The following CHIA variants were observed in gnomAD, a reference collection of about 807,000 sequenced individuals.
The protein encoded by CHIA is chitinase acidic, also known as acidic mammalian chitinase.
Under a neutral mutation model 53.5 loss-of-function variants are expected in CHIA, and 47 were observed. That is an observed-to-expected ratio of 0.88 (90% CI 0.70 to 1.12). The LOEUF (loss-of-function observed/expected upper bound fraction) is 1.12, where lower values mean the gene tolerates loss of function less well. Ranked by LOEUF, CHIA falls within the 50% of genes most tolerant of loss-of-function variation. The pLI is 0.00. For synonymous variants in CHIA, 268 were observed against 222.2 expected (o/e 1.21, Z -1.83); for missense variants, 652 against 592.2 (o/e 1.10, Z -1.05).
intron 1 of CHIA, among the ~76,000 whole-genome samples, chr1:111,308,190 G>A (rs1361108218): frequency 3.9e-5 from 6 of 152,174 alleles, no homozygotes; most frequent in Non-Finnish European, 5.9e-5. Flanking sequence ...TGTAGGTCAT[G>A]TCATTTATTT....
In CHIA at chr1:111,312,259, T is replaced by G. The variant is rs1648743187; in HGVS notation, c.125T>G (p.Met42Arg). The G allele has an allele frequency of 3.7e-6, 6 of 1,614,148 alleles. No homozygotes were observed. The highest frequency in any genetic ancestry group is 5.1e-6 in the Non-Finnish European group (6 of 1,179,992). Residue 42 changes from methionine to arginine, a missense_variant, in exon 4 of 12, where the codon ATG (methionine) becomes AGG (arginine). Physicochemically the swap from Met to Arg is moderately conservative, Grantham distance 91 (BLOSUM62 -1). Transcript: ENST00000369740. Reference sequence around the variant, plus strand: ...TACCGGCCAGGCCTGGGGCGCTTCATGCCTGACAACATCGACCCCTGCCTC... The same window carrying G: ...TACCGGCCAGGCCTGGGGCGCTTCAGGCCTGACAACATCGACCCCTGCCTC... ...AQYRPGLGRF[M>R]PDNIDPCLCT...
intron 1 of CHIA, among the ~76,000 whole-genome samples, chr1:111,307,246 A>G (rs949103703): frequency 1.3e-5 from 2 of 152,224 alleles, no homozygotes; most frequent in African/African-American, 2.4e-5. Flanking sequence ...GCATATTTGT[A>G]TAATGGAATA....
intron 1 of CHIA, among the ~76,000 whole-genome samples, chr1:111,296,271 G>C (rs1024934876): frequency 6.6e-6 from 1 of 152,206 alleles, no homozygotes; most frequent in African/African-American, 2.4e-5. Flanking sequence ...GTGGGTCCCT[G>C]ACCCCTGTGT....
intron 1 of CHIA, among the ~76,000 whole-genome samples, chr1:111,308,941 C>T (rs181572002): frequency 2.6e-4 from 40 of 152,272 alleles, no homozygotes; most frequent in Middle Eastern, 6.8e-3. Context: ...GTCTCTGGCA[C>T]ATAGTAGGCA....
At chr1:111,293,234 T>G (rs528827543) in intron 1 of CHIA, among the ~76,000 whole-genome samples, 2 of 152,230 alleles carry the variant, frequency 1.3e-5, no homozygotes, top group Admixed American at 6.5e-5. Flanking sequence ...TCCACATCCT[T>G]GTTAACACTT....
At chr1:111,308,565 T>C (rs1648410329) in intron 1 of CHIA, among the ~76,000 whole-genome samples, 2 of 152,220 alleles carry the variant, frequency 1.3e-5, no homozygotes, top group South Asian at 4.1e-4. Flanking sequence ...TTTTAGTCAC[T>C]CAGCTTTACT....
chr1:111,316,851 C>T (rs1649201699), intron 6 of CHIA: 1 of 152,180 alleles, frequency 6.6e-6, no homozygotes, highest in African/African-American at 2.4e-5. Context: ...AATTTACTTA[C>T]TTGTTGAATT....
intron 1 of CHIA, among the ~76,000 whole-genome samples, chr1:111,310,118 A>C (rs1648542807): frequency 2.0e-5 from 3 of 152,212 alleles, no homozygotes; most frequent in South Asian, 4.1e-4. Flanking sequence ...GCCAGACACA[A>C]AATGTCCACA....
intron 2 of CHIA, among the ~76,000 whole-genome samples, chr1:111,311,435 C>T (rs1172875984): frequency 1.3e-5 from 2 of 152,144 alleles, no homozygotes; most frequent in Non-Finnish European, 2.9e-5. Flanking sequence ...AGATAGTAAA[C>T]TTCGGACTCA....
intron 11 of CHIA, among the ~76,000 whole-genome samples, chr1:111,319,835 C>T (rs1485390514): frequency 2.6e-5 from 4 of 152,244 alleles, no homozygotes; most frequent in African/African-American, 7.2e-5. Context: ...TCACATATCT[C>T]TAATCAGTGA....
At chr1:111,298,528 G>C (rs901283056) in intron 1 of CHIA, among the ~76,000 whole-genome samples, 4 of 152,172 alleles carry the variant, frequency 2.6e-5, no homozygotes, top group Non-Finnish European at 5.9e-5. Context: ...CAGATATAAA[G>C]ATGTTCTTTG....
Position 111,292,059 on chromosome 1 carries a change from T to C in CHIA, c.-69+1109T>C, listed in dbSNP as rs191281334. ...ATTTATATTTGAAACATGTAAGGTA[T>C]TTAATTCACACACAATGTTTTGTGT... is the stretch of plus-strand genomic sequence containing the variant. On this transcript the variant is annotated intron_variant, in intron 1 of 11. Coordinates refer to ENST00000369740, the MANE Select transcript of CHIA (RefSeq NM_201653.4). Among the ~76,000 whole-genome samples, 3 of 152,342 alleles carry C rather than the reference T, an allele frequency of 2.0e-5. No homozygotes were observed. In the East Asian group the frequency reaches 5.8e-4, roughly 29 times the overall value.
At position 111,319,478 on chromosome 1, in the gene CHIA, T is replaced by C. The variant is rs1412942808; in HGVS notation, c.1177+10T>C. On this transcript the variant is annotated intron_variant, in intron 11 of 11. Coordinates refer to ENST00000369740, the MANE Select transcript of CHIA (RefSeq NM_201653.4). Reference sequence around the variant, plus strand: ...GGCCTGCAGAGTGCAAGTAAGTGACTGAGGGGGAATGCCCAGGTGTATAAA... The same window carrying C: ...GGCCTGCAGAGTGCAAGTAAGTGACCGAGGGGGAATGCCCAGGTGTATAAA... 2 of 1,612,920 alleles carry C rather than the reference T, an allele frequency of 1.2e-6. No homozygotes were observed. Among genetic ancestry groups the C allele is most frequent in the Non-Finnish European group, 8.5e-7 (1 of 1,179,642 alleles).
intron 1 of CHIA, among the ~76,000 whole-genome samples, chr1:111,306,892 C>T (rs1001132125): frequency 4.6e-5 from 7 of 152,160 alleles, no homozygotes; most frequent in Non-Finnish European, 7.4e-5. Context: ...AAACTACTCA[C>T]CTTAATGACA....
chr1:111,318,954 CA>C (rs958144876), intron 9 of CHIA, among the ~76,000 whole-genome samples, 165 bp from the exon 10 acceptor site: 4 of 152,152 alleles, frequency 2.6e-5, no homozygotes, highest in African/African-American at 4.8e-5. Flanking sequence ...TGTGGGTTCC[CA>C]AAATCATTTG....
intron 1 of CHIA, among the ~76,000 whole-genome samples, chr1:111,302,262 C>A (rs1048517111): frequency 2.0e-5 from 3 of 151,894 alleles, no homozygotes; most frequent in African/African-American, 7.3e-5. Context: ...TTTATCTGAG[C>A]GCCAGTCTTT....
intron 8 of CHIA, 64 bp downstream of exon 8, chr1:111,318,173 G>C: frequency 7.3e-7 from 1 of 1,371,024 alleles, no homozygotes. Context: ...TAGAGATTCA[G>C]GCACAAAAGG....
chr1:111,317,302 A>C (rs1286002631), intron 6 of CHIA: 3 of 197,248 alleles, frequency 1.5e-5, no homozygotes, highest in African/African-American at 6.9e-5. Context: ...CAGTCCTATA[A>C]AGTAGTTCAT....
intron 1 of CHIA, among the ~76,000 whole-genome samples, chr1:111,310,170 C>T (rs17027391): frequency 0.038 from 5,825 of 152,252 alleles, 210 homozygotes; most frequent in East Asian, 0.16. Context: ...TGCTTATCAG[C>T]CCTTGGAACT....
Sources: gnomAD v4.1 joint callset for allele counts (sites outside exome capture counted in the v4.1 genomes callset) on GRCh38, gnomAD v4.1.1 for gene constraint, MANE v1.5 for transcripts, NCBI Gene and HGNC (gene_info 2026-07-23, HGNC 2026-07-21) for gene names.